The following COMMD9 variants were observed in gnomAD, a reference collection of about 807,000 sequenced individuals.
COMMD9 encodes the protein COMM domain-containing protein 9.
COMMD9 carries 22 observed loss-of-function variants against 23.4 expected under a neutral mutation model. The observed-to-expected ratio is 0.94, with a 90% confidence interval of 0.67 to 1.34. The LOEUF (loss-of-function observed/expected upper bound fraction) is 1.34, where lower values mean the gene tolerates loss of function less well. COMMD9 is among the 40% of genes most tolerant of loss of function. The probability of loss-of-function intolerance (pLI) is 0.00; values close to 1 mark genes in which losing one functional copy is unlikely to be tolerated. For missense variants in COMMD9, 231 were observed against 240.2 expected (o/e 0.96, Z 0.25); for synonymous variants, 99 against 97.4 (o/e 1.02, Z -0.10).
intron 1 of COMMD9, among the ~76,000 whole-genome samples, chr11:36,287,175 T>C (rs181710293): frequency 0.15 from 9 of 62 alleles, no homozygotes; most frequent in African/African-American, 0.42. Context: ...TATCGCGTAG[T>C]ATGTATACTA....
At chr11:36,274,872 C>A in intron 5 of COMMD9, 100 bp from the exon 6 acceptor site, 1 of 1,439,288 alleles carries the variant, frequency 6.9e-7, no homozygotes, top group Non-Finnish European at 9.5e-7. Flanking sequence ...TTCTGCTGAA[C>A]CTCTGAAGAG....
At chr11:36,278,268 GGA>G (rs964927146) in intron 3 of COMMD9, 23 of 446,708 alleles carry the variant, frequency 5.1e-5, no homozygotes, top group Non-Finnish European at 7.0e-5. Flanking sequence ...GGTGTAAAGA[GGA>G]AAAAAAAAAC....
chr11:36,282,284 C>T (rs1856079271), intron 1 of COMMD9, among the ~76,000 whole-genome samples: 1 of 151,998 alleles, frequency 6.6e-6, no homozygotes, highest in Non-Finnish European at 1.5e-5. Flanking sequence ...GAGACATACT[C>T]CTATATATTT....
rs1156836550 is a variant in COMMD9, at chr11:36,278,478, C to T, written c.316G>A (p.Val106Met). 1.2e-6 allele frequency: 2 copies of T among 1,612,852 alleles called. No individual in the cohort carries two copies. Among genetic ancestry groups the T allele is most frequent in the South Asian group, 1.1e-5 (1 of 91,042 alleles). ...GACTTTCAAGAAATGAGCACTTACA[C>T]ATGTTCTAGGATGATCTTTGTCAGC... Reference protein sequence around the residue: ...NLLTKIILEHVSTWRTEAQAN... With the variant: ...NLLTKIILEHMSTWRTEAQAN... The change falls in exon 3 of 6, where the codon GTG (valine) becomes ATG (methionine). Residue 106 changes from valine (V) to methionine (M), a missense_variant and splice_region_variant. Transcript: ENST00000263401.
chr11:36,282,687 AACCATGGAAC>A lies in COMMD9; in HGVS notation c.52-1860_52-1851del, dbSNP rs1288563498. ...ACAGATATGAAACAATGAAACAAGA[AACCATGGAAC>A]ACCAGTGTACTAGCCAGAGCTCTCC... On this transcript the variant is annotated intron_variant, in intron 1 of 5. Transcript: ENST00000263401. Among the ~76,000 whole-genome samples, 4 of 152,212 alleles carry A rather than the reference AACCATGGAAC, an allele frequency of 2.6e-5. No individual in the cohort carries two copies. The East Asian group carries it at 7.7e-4, about 29-fold the overall frequency.
intron 1 of COMMD9, among the ~76,000 whole-genome samples, chr11:36,285,565 G>T (rs1856137411): frequency 1.3e-5 from 2 of 152,112 alleles, no homozygotes; most frequent in South Asian, 2.1e-4. Flanking sequence ...ACAGAAAAAT[G>T]AGAAAACTAC....
chr11:36,286,455 C>G (rs1263416319), intron 1 of COMMD9, among the ~76,000 whole-genome samples: 3 of 147,802 alleles, frequency 2.0e-5, no homozygotes, highest in Admixed American at 1.3e-4. Flanking sequence ...AAAAATCAGC[C>G]TGGAGGGGTG....
chr11:36,280,423 A>C (rs556576272), intron 2 of COMMD9, among the ~76,000 whole-genome samples: 2 of 152,322 alleles, frequency 1.3e-5, no homozygotes, highest in East Asian at 3.9e-4. Flanking sequence ...AGTCTGCCCT[A>C]AGCTATCCAG....
At chr11:36,285,961 C>A (rs555938009) in intron 1 of COMMD9, among the ~76,000 whole-genome samples, 2 of 152,106 alleles carry the variant, frequency 1.3e-5, no homozygotes, top group Admixed American at 6.6e-5. Context: ...AATGCTTTGC[C>A]CCCAAAACTG....
At chr11:36,284,821 C>A (rs1233957815) in intron 1 of COMMD9, among the ~76,000 whole-genome samples, 1 of 152,234 alleles carries the variant, frequency 6.6e-6, no homozygotes, top group Middle Eastern at 3.4e-3. Flanking sequence ...AAAAATTACA[C>A]TGAATAAGTG....
At chr11:36,280,658 G>A in intron 2 of COMMD9, 54 bp downstream of exon 2, 1 of 1,501,498 alleles carries the variant, frequency 6.7e-7, no homozygotes, top group Non-Finnish European at 8.9e-7. Context: ...GGGAAGTCAA[G>A]AAAGAGACTA....
chr11:36,287,667 C>T lies in COMMD9; in HGVS notation c.51+1695G>A, dbSNP rs115432676. ...GACAGTAGCAATGAAAATCAATGAA[C>T]TACTGCTACATAATGGTGAGCAAAA... is the stretch of plus-strand genomic sequence containing the variant. On this transcript the variant is annotated intron_variant, in intron 1 of 5. Coordinates refer to ENST00000263401, the MANE Select transcript of COMMD9 (RefSeq NM_014186.4). Among the ~76,000 whole-genome samples the T allele has an allele frequency of 3.1e-3, 473 of 151,724 alleles. 3 individuals carry two copies. Among genetic ancestry groups the T allele is most frequent in the African/African-American group, 0.011 (456 of 41,390 alleles).
At chr11:36,286,395 C>CAAAA (rs138463305) in intron 1 of COMMD9, among the ~76,000 whole-genome samples, 9,838 of 75,856 alleles carry the variant, frequency 0.13, 645 homozygotes, top group South Asian at 0.2. Flanking sequence ...ACTAAAAATA[C>CAAAA]AAAAAAAAAA....
rs570270846 is a variant in COMMD9, at chr11:36,274,755, G to A, written c.474C>T (p.Ser158=). ...LLQMKIQEDP[S]LCGDKPSISA... ...AGATGGAGGGTTTGTCTCCGCATAG[G>A]CTGGGATCTTCTTGGATCTGAAACG... is the stretch of plus-strand genomic sequence containing the variant. Residue 158 remains serine, a synonymous_variant, in exon 6 of 6, where the codon AGC becomes AGT. Transcript: ENST00000263401. 314 of 1,614,266 alleles carry A rather than the reference G, an allele frequency of 1.9e-4. 2 individuals are homozygous for A. The South Asian group carries it at 2.8e-3, about 14-fold the overall frequency.
chr11:36,288,901 C>T (rs1445839257), intron 1 of COMMD9, among the ~76,000 whole-genome samples: 1 of 152,172 alleles, frequency 6.6e-6, no homozygotes, highest in Non-Finnish European at 1.5e-5. Flanking sequence ...TGTCCTGCCC[C>T]TTTCGCAGGT....
At position 36,273,169 on chromosome 11, in the gene COMMD9, T is replaced by G. The variant is rs2133420087; in HGVS notation, c.*1463A>C. ...ATGTAGAAGTCAAGCACCTTACCAC[T>G]GAGAAGCAGAGCTGGCTTCTGACCT... On this transcript the variant is annotated 3_prime_UTR_variant, in exon 6 of 6. Coordinates refer to ENST00000263401, the MANE Select transcript of COMMD9 (RefSeq NM_014186.4). 1 of 152,336 alleles carries G rather than the reference T, an allele frequency of 6.6e-6. No homozygotes were observed. The highest frequency in any genetic ancestry group is 2.1e-4 in the South Asian group (1 of 4,822). The allele number at this position is 152,336 out of a possible 1,614,324, so 9.4% of individuals were successfully genotyped here.
At chr11:36,278,316 C>T (rs1468996734) in intron 3 of COMMD9, 161 bp downstream of exon 3, 2 of 634,282 alleles carry the variant, frequency 3.2e-6, no homozygotes, top group African/African-American at 1.9e-5. Flanking sequence ...AAAAGACTAC[C>T]ACTAACATCT....
intron 1 of COMMD9, among the ~76,000 whole-genome samples, chr11:36,282,193 C>A (rs927204956): frequency 8.6e-5 from 13 of 151,874 alleles, no homozygotes; most frequent in African/African-American, 3.1e-4. Context: ...TCATTGGAGT[C>A]CTGGAAGGAG....
In COMMD9 at chr11:36,273,203, T is replaced by C. The variant is rs149056996; in HGVS notation, c.*1429A>G. 1 of 152,292 alleles carries C rather than the reference T, an allele frequency of 6.6e-6. No homozygotes were observed. The highest frequency in any genetic ancestry group is 1.5e-5 in the Non-Finnish European group (1 of 68,022). The allele number at this position is 152,292 out of a possible 1,614,324, so 9.4% of individuals were successfully genotyped here. ...GAGCTGGCTTCTGACCTTGGCTGCC[T>C]GACTCCTGACAGCATATTCTTAATC... On this transcript the variant is annotated 3_prime_UTR_variant, in exon 6 of 6. Coordinates refer to ENST00000263401, the MANE Select transcript of COMMD9 (RefSeq NM_014186.4).
Sources: gnomAD v4.1 joint callset for allele counts (sites outside exome capture counted in the v4.1 genomes callset) on GRCh38, gnomAD v4.1.1 for gene constraint, MANE v1.5 for transcripts, NCBI Gene and HGNC (gene_info 2026-07-23, HGNC 2026-07-21) for gene names.